Variants in CCDC60 observed in about 807,000 individuals in gnomAD.
CCDC60 encodes the protein coiled-coil domain containing 60.
Under a neutral mutation model 63.5 loss-of-function variants are expected in CCDC60, and 54 were observed. The ratio of observed to expected loss-of-function variants is 0.85; its 90% CI spans 0.68 to 1.07. CCDC60 has a LOEUF of 1.07. Ranked by LOEUF, CCDC60 falls within the 50% of genes least tolerant of loss-of-function variation. CCDC60 has a pLI of 0.00. For missense variants in CCDC60, 651 were observed against 684.3 expected (o/e 0.95, Z 0.54); for synonymous variants, 206 against 238.8 (o/e 0.86, Z 1.27).
intron 2 of CCDC60, among the ~76,000 whole-genome samples, chr12:119,455,192 A>C (rs190284052): frequency 3.9e-5 from 6 of 152,354 alleles, no homozygotes; most frequent in African/African-American, 1.2e-4. Flanking sequence ...AATGTGGTCT[A>C]TTACTAAAGA....
intron 1 of CCDC60, among the ~76,000 whole-genome samples, chr12:119,359,740 T>G (rs1254700804): frequency 1.3e-5 from 2 of 152,094 alleles, no homozygotes; most frequent in South Asian, 2.1e-4. Context: ...TGACTCTTAA[T>G]GAGCATGCTG....
Position 119,430,667 on chromosome 12 carries a change from C to CAGAAAAAAA in CCDC60, c.170+1906_170+1907insGAAAAAAAA, listed in dbSNP as rs1402140413. Among the ~76,000 whole-genome samples the CAGAAAAAAA allele has an allele frequency of 6.6e-5, 7 of 106,040 alleles. 1 individual carries two copies. The highest frequency in any genetic ancestry group is 2.7e-4 in the African/African-American group (7 of 26,366). The allele number at this position is 106,040 out of a possible 152,430, so 69.6% of individuals were successfully genotyped here. A position where few individuals can be genotyped will look rare whatever the true frequency, so the allele number is the denominator to read the frequency against. On this transcript the variant is annotated intron_variant, in intron 2 of 13. Coordinates refer to ENST00000327554, the MANE Select transcript of CCDC60 (RefSeq NM_178499.5). The stretch of plus-strand genomic sequence containing the variant: ...GGGCAACACAGCAAGACTCTGTCTC[C>CAGAAAAAAA]AAAAAAAAAAAAAAGTCACATGAGT...
chr12:119,392,738 A>G (rs910444338), intron 1 of CCDC60, among the ~76,000 whole-genome samples: 2 of 152,346 alleles, frequency 1.3e-5, no homozygotes, highest in East Asian at 3.9e-4. Context: ...CAGCCATGGC[A>G]ATGTATGAAC....
At chr12:119,349,866 G>T (rs1032442558) in intron 1 of CCDC60, among the ~76,000 whole-genome samples, 5 of 152,136 alleles carry the variant, frequency 3.3e-5, no homozygotes, top group Non-Finnish European at 7.3e-5. Flanking sequence ...ACTCCCTTCA[G>T]ATATTTTCAG....
intron 1 of CCDC60, among the ~76,000 whole-genome samples, chr12:119,378,525 A>T (rs562665147): frequency 6.6e-6 from 1 of 152,202 alleles, no homozygotes; most frequent in Non-Finnish European, 1.5e-5. Context: ...CAGCAACATC[A>T]TGAGGGCCAG....
At chr12:119,518,450 G>GACTA (rs1416354474) in intron 8 of CCDC60, among the ~76,000 whole-genome samples, 4 of 152,184 alleles carry the variant, frequency 2.6e-5, no homozygotes, top group African/African-American at 9.7e-5. Flanking sequence ...CCATGGCCAT[G>GACTA]ACTAATTGCC....
Position 119,528,711 on chromosome 12 carries a change from A to T in CCDC60, c.1326A>T (p.Val442=). 6.2e-7 allele frequency: 1 copy of T among 1,614,018 alleles called. No individual in the cohort carries two copies. Among genetic ancestry groups the T allele is most frequent in the African/African-American group, 1.3e-5 (1 of 75,052 alleles). The change falls in exon 12 of 14, where the codon GTA becomes GTT. Residue 442 remains valine (V), a synonymous_variant. Transcript: ENST00000327554. ...DIAKMRHHIS[V]VKGDAEEIAD... is the part of the protein sequence containing the mutation. ...CAAAAATGAGACATCACATATCTGT[A>T]GTAAAAGGAGATGCAGAAGAAATTG...
At chr12:119,389,445 G>A (rs1427657025) in intron 1 of CCDC60, among the ~76,000 whole-genome samples, 1 of 152,134 alleles carries the variant, frequency 6.6e-6, no homozygotes, top group Non-Finnish European at 1.5e-5. Context: ...TTCTAGACAA[G>A]TTTGCTGACT....
intron 3 of CCDC60, 89 bp from the exon 4 acceptor site, chr12:119,479,005 T>C: frequency 1.1e-6 from 1 of 877,540 alleles, no homozygotes; most frequent in Non-Finnish European, 1.9e-6. Flanking sequence ...TGTCCAGTCA[T>C]ATCTGCCGAA....
At chr12:119,394,788 T>A (rs1208791701) in intron 1 of CCDC60, among the ~76,000 whole-genome samples, 1 of 152,206 alleles carries the variant, frequency 6.6e-6, no homozygotes, top group Non-Finnish European at 1.5e-5. Flanking sequence ...CACTGATCCC[T>A]TACAAGGTCA....
At chr12:119,494,936 A>T (rs1951686917) in intron 5 of CCDC60, among the ~76,000 whole-genome samples, 1 of 152,210 alleles carries the variant, frequency 6.6e-6, no homozygotes, top group Admixed American at 6.5e-5. Flanking sequence ...AGCCGAGATC[A>T]TGCCATTGCA....
Position 119,471,672 on chromosome 12 carries a change from A to C in CCDC60, c.171-322A>C, listed in dbSNP as rs74483482. Among the ~76,000 whole-genome samples, 1,445 of 152,246 alleles carry C rather than the reference A, an allele frequency of 9.5e-3. 30 individuals carry two copies. The highest frequency in any genetic ancestry group is 0.032 in the African/African-American group (1,323 of 41,534). ...AAACTCAGGTCTGGCTGAGTCTGGA[A>C]ATCTACAGGTGGGAAGGCTCCTGCC... is the stretch of plus-strand genomic sequence containing the variant. On this transcript the variant is annotated intron_variant, in intron 2 of 13. Transcript: ENST00000327554.
At position 119,355,053 on chromosome 12, in the gene CCDC60, G is replaced by C. The variant is rs545188825; in HGVS notation, c.90+19787G>C. Among the ~76,000 whole-genome samples the C allele has an allele frequency of 2.0e-5, 3 of 152,264 alleles. No individual in the cohort carries two copies. The East Asian group carries it at 5.8e-4, about 29-fold the overall frequency. ...GCCATGGCTCTGCTATTTTCTTCCT[G>C]TTTGACCCTTGAACAAATCACCTCT... On this transcript the variant is annotated intron_variant, in intron 1 of 13. Coordinates refer to ENST00000327554, the MANE Select transcript of CCDC60 (RefSeq NM_178499.5).
intron 4 of CCDC60, among the ~76,000 whole-genome samples, chr12:119,480,683 TCAC>T (rs1426642256): frequency 6.8e-6 from 1 of 147,832 alleles, no homozygotes; most frequent in East Asian, 2.1e-4. Flanking sequence ...ACCATCATCC[TCAC>T]CACCATTATC....
intron 1 of CCDC60, among the ~76,000 whole-genome samples, chr12:119,336,252 A>G (rs1003217760): frequency 1.3e-5 from 2 of 152,082 alleles, no homozygotes; most frequent in African/African-American, 4.8e-5. Context: ...AATAATACAA[A>G]AAAAGGAATT....
Position 119,428,755 on chromosome 12 carries a change from C to G in CCDC60, c.163C>G (p.Arg55Gly). The G allele has an allele frequency of 1.3e-6, 2 of 1,592,660 alleles. No individual in the cohort carries two copies. Among genetic ancestry groups the G allele is most frequent in the Non-Finnish European group, 1.7e-6 (2 of 1,165,330 alleles). The change falls in exon 2 of 14, where the codon CGA (arginine) becomes GGA (glycine). Residue 55 changes from arginine to glycine, a missense_variant. By Grantham distance (125) the Arg-to-Gly change is moderately radical (BLOSUM62 -2). Coordinates refer to ENST00000327554, the MANE Select transcript of CCDC60 (RefSeq NM_178499.5). ...EIINLKKDLI[R>G]SRFLIQSVKI... The stretch of plus-strand genomic sequence containing the variant: ...AATAAACCTCAAAAAGGACCTTATA[C>G]GAAGCCGGTGAGTGAGCCCAGCAGG...
intron 2 of CCDC60, among the ~76,000 whole-genome samples, chr12:119,442,961 C>T (rs749817462): frequency 1.3e-5 from 2 of 152,196 alleles, no homozygotes; most frequent in Non-Finnish European, 2.9e-5. Context: ...CTGACTTTAG[C>T]GTAGTCATCA....
chr12:119,401,280 C>A (rs1225639769), intron 1 of CCDC60, among the ~76,000 whole-genome samples: 1 of 152,200 alleles, frequency 6.6e-6, no homozygotes, highest in African/African-American at 2.4e-5. Flanking sequence ...TTGGCACAAG[C>A]ATTTGAGACC....
intron 1 of CCDC60, among the ~76,000 whole-genome samples, chr12:119,385,485 T>TC (rs1956050716): frequency 6.6e-6 from 1 of 152,154 alleles, no homozygotes; most frequent in African/African-American, 2.4e-5. Flanking sequence ...ATAAAGGGTT[T>TC]CCCCCTTTCA....
Sources: allele counts gnomAD v4.1 joint callset (sites outside exome capture counted in the v4.1 genomes callset), GRCh38; gene constraint gnomAD v4.1.1; transcripts MANE v1.5; gene names NCBI Gene and HGNC (gene_info 2026-07-23, HGNC 2026-07-21).